The following ZNF385D variants were observed in gnomAD, a reference collection of about 807,000 sequenced individuals.
ZNF385D encodes the protein zinc finger protein 385D.
ZNF385D carries 15 observed loss-of-function variants against 35.8 expected under a neutral mutation model. That is an observed-to-expected ratio of 0.42 (90% confidence interval 0.28 to 0.64). The LOEUF (loss-of-function observed/expected upper bound fraction) is 0.64. Ranked by LOEUF, ZNF385D falls within the 30% of genes least tolerant of loss-of-function variation. The probability of loss-of-function intolerance (pLI) is 0.23; values close to 1 mark genes in which losing one functional copy is unlikely to be tolerated. For synonymous variants in ZNF385D, 212 were observed against 186.8 expected (o/e 1.13, Z -1.10); for missense variants, 474 against 494.6 (o/e 0.96, Z 0.39).
At chr3:22,239,510 A>G (rs2125311418) in intron 2 of ZNF385D, among the ~76,000 whole-genome samples, 1 of 148,978 alleles carries the variant, frequency 6.7e-6, no homozygotes, top group East Asian at 2.0e-4. Flanking sequence ...ACATACTACC[A>G]CATATACAAA....
intron 3 of ZNF385D, among the ~76,000 whole-genome samples, chr3:21,535,771 C>A (rs1262325717): frequency 6.6e-6 from 1 of 151,870 alleles, no homozygotes; most frequent in African/African-American, 2.4e-5. Context: ...TTACATGTGC[C>A]CACTGTTTCA....
intron 4 of ZNF385D, among the ~76,000 whole-genome samples, chr3:21,496,530 T>G (rs924982788): frequency 7.9e-6 from 1 of 127,068 alleles, no homozygotes; most frequent in Non-Finnish European, 1.6e-5. Context: ...ATATATTTGA[T>G]ATATATATCA....
chr3:21,772,960 C>T (rs1404168851), intron 3 of ZNF385D, among the ~76,000 whole-genome samples: 1 of 151,768 alleles, frequency 6.6e-6, no homozygotes, highest in African/African-American at 2.4e-5. Flanking sequence ...CACTAAAAGA[C>T]AAATACTGTA....
At chr3:21,880,374 G>T (rs1376137547) in intron 3 of ZNF385D, among the ~76,000 whole-genome samples, 1 of 151,870 alleles carries the variant, frequency 6.6e-6, no homozygotes, top group South Asian at 2.1e-4. Context: ...TCACATTTTG[G>T]TAATTCTTGC....
intron 3 of ZNF385D, among the ~76,000 whole-genome samples, chr3:21,532,075 A>G (rs1243749401): frequency 1.3e-5 from 2 of 150,796 alleles, no homozygotes; most frequent in African/African-American, 4.9e-5. Flanking sequence ...GGGAGAGAGA[A>G]AGAGAGAGAG....
chr3:21,827,471 T>C (rs927051591), intron 3 of ZNF385D, among the ~76,000 whole-genome samples: 1 of 152,190 alleles, frequency 6.6e-6, no homozygotes, highest in African/African-American at 2.4e-5. Flanking sequence ...TTGACACTTG[T>C]GGACAAGCAA....
intron 4 of ZNF385D, among the ~76,000 whole-genome samples, chr3:21,508,240 T>C (rs539086885): frequency 2.0e-5 from 3 of 152,196 alleles, no homozygotes; most frequent in Non-Finnish European, 1.5e-5. Flanking sequence ...GGCATGTTTA[T>C]GTTATCTTCA....
At chr3:22,348,018 T>A (rs549026443) in intron 2 of ZNF385D, among the ~76,000 whole-genome samples, 1 of 152,158 alleles carries the variant, frequency 6.6e-6, no homozygotes, top group Admixed American at 6.5e-5. Context: ...AATTTTGTGA[T>A]AATTGCAGCA....
At chr3:22,179,248 T>C (rs1159185446) in intron 2 of ZNF385D, among the ~76,000 whole-genome samples, 1 of 152,174 alleles carries the variant, frequency 6.6e-6, no homozygotes, top group Non-Finnish European at 1.5e-5. Context: ...GTTTGTATCC[T>C]CTTTTATTTC....
At chr3:21,877,168 G>C (rs928013824) in intron 3 of ZNF385D, among the ~76,000 whole-genome samples, 1 of 152,022 alleles carries the variant, frequency 6.6e-6, no homozygotes, top group African/African-American at 2.4e-5. Flanking sequence ...ACTGAGACTC[G>C]ATAAACAAGG....
At chr3:21,912,517 A>C (rs1047804801) in intron 3 of ZNF385D, among the ~76,000 whole-genome samples, 6 of 152,004 alleles carry the variant, frequency 3.9e-5, no homozygotes, top group Non-Finnish European at 7.4e-5. Context: ...AAGCTAAATA[A>C]ACTGACATGC....
At chr3:21,782,991 C>T (rs146658897) in intron 3 of ZNF385D, among the ~76,000 whole-genome samples, 4 of 152,238 alleles carry the variant, frequency 2.6e-5, no homozygotes, top group African/African-American at 7.2e-5. Flanking sequence ...AAAATAGTCA[C>T]ACCTCGATTG....
intron 3 of ZNF385D, among the ~76,000 whole-genome samples, chr3:21,801,528 C>A (rs1020605593): frequency 1.3e-5 from 2 of 152,132 alleles, no homozygotes; most frequent in Admixed American, 6.6e-5. Flanking sequence ...TAATTGTAAA[C>A]TTCCAGTTTA....
At chr3:21,621,455 C>T (rs1208217225) in intron 2 of ZNF385D, among the ~76,000 whole-genome samples, 1 of 151,750 alleles carries the variant, frequency 6.6e-6, no homozygotes, top group Non-Finnish European at 1.5e-5. Flanking sequence ...TAAAGGCAGG[C>T]CACAGCAGTG....
intron 3 of ZNF385D, among the ~76,000 whole-genome samples, chr3:22,115,896 A>G (rs924052401): frequency 1.3e-5 from 2 of 152,056 alleles, no homozygotes; most frequent in African/African-American, 4.8e-5. Flanking sequence ...TGATCTTGTC[A>G]ATACTTTAAA....
Position 22,171,876 on chromosome 3 carries a change from C to CAAA in ZNF385D, c.107-2844_107-2842dup, listed in dbSNP as rs370469654. Among the ~76,000 whole-genome samples the CAAA allele has an allele frequency of 2.4e-4, 24 of 100,762 alleles. 1 individual carries two copies. The highest frequency in any genetic ancestry group is 6.9e-4 in the African/African-American group (18 of 26,276). The allele number at this position is 100,762 out of a possible 152,430, so 66.1% of individuals were successfully genotyped here. A position where few individuals can be genotyped will look rare whatever the true frequency, so the allele number is the denominator to read the frequency against. On this transcript the variant is annotated intron_variant, in intron 2 of 5. Transcript: ENST00000494108. ...TGGGCAACAGAGCAAGACTCGGTCT[C>CAAA]AAAAAAAAAAAAAAAAAAAAAAAAA... is the stretch of plus-strand genomic sequence containing the variant.
At chr3:22,106,883 A>G (rs1424220530) in intron 3 of ZNF385D, among the ~76,000 whole-genome samples, 1 of 152,082 alleles carries the variant, frequency 6.6e-6, no homozygotes, top group African/African-American at 2.4e-5. Context: ...ATTCTTCATA[A>G]GAGTGGTCAC....
chr3:21,511,851 A>G, intron 3 of ZNF385D: 1 of 452,146 alleles, frequency 2.2e-6, no homozygotes, highest in Non-Finnish European at 4.4e-6. Context: ...GGAGCGGTAT[A>G]GTGAAATACA....
At chr3:21,794,442 G>A (rs1260269342) in intron 3 of ZNF385D, among the ~76,000 whole-genome samples, 1 of 152,012 alleles carries the variant, frequency 6.6e-6, no homozygotes, top group Non-Finnish European at 1.5e-5. Context: ...AAACTGTTTA[G>A]GTTGCTACAA....
Sources: allele counts gnomAD v4.1 joint callset (sites outside exome capture counted in the v4.1 genomes callset), GRCh38; gene constraint gnomAD v4.1.1; transcripts MANE v1.5; gene names NCBI Gene and HGNC (gene_info 2026-07-23, HGNC 2026-07-21).